The following SLC19A1 variants were observed in gnomAD, a reference collection of about 807,000 sequenced individuals.
The protein encoded by SLC19A1 is reduced folate transporter.
SLC19A1 carries 37 observed loss-of-function variants against 35.3 expected under a neutral mutation model. The ratio of observed to expected loss-of-function variants is 1.05; its 90% CI spans 0.81 to 1.38. The LOEUF is 1.38. SLC19A1 is among the 40% of genes most tolerant of loss of function. The pLI, the probability that SLC19A1 is intolerant of heterozygous loss-of-function variation, is 0.00. For synonymous variants in SLC19A1, 460 were observed against 398.5 expected (o/e 1.15, Z -1.84); for missense variants, 831 against 826.9 (o/e 1.00, Z -0.06).
intron 5 of SLC19A1, among the ~76,000 whole-genome samples, chr21:45,523,874 G>A (rs932420148): frequency 5.3e-5 from 8 of 152,160 alleles, no homozygotes; most frequent in South Asian, 4.1e-4. Flanking sequence ...ACCTCCTCCC[G>A]GGTGCTGGAG....
At chr21:45,551,605 A>G (rs2078467071) in intron 1 of SLC19A1, among the ~76,000 whole-genome samples, 1 of 152,176 alleles carries the variant, frequency 6.6e-6, no homozygotes, top group African/African-American at 2.4e-5. Context: ...TGTTGGTTTA[A>G]TATGTCGTTT....
In SLC19A1 at chr21:45,504,226, G is replaced by A; in HGVS notation, c.498-5614C>T. 3 of 928,752 alleles carry A rather than the reference G, an allele frequency of 3.2e-6. No homozygotes were observed. The Admixed American group carries it at 6.3e-5, about 19-fold the overall frequency. The allele number at this position is 928,752 out of a possible 1,614,324, so 57.5% of individuals were successfully genotyped here. A position where few individuals can be genotyped will look rare whatever the true frequency, so the allele number is the denominator to read the frequency against. The stretch of plus-strand genomic sequence containing the variant: ...GTCCCTCAGGATGTTCCTGTCCCCG[G>A]CTCAGTTTTTGGGGGACTCGGCTGA... On this transcript the variant is annotated intron_variant, in intron 3 of 4. Transcript: ENST00000417954.
chr21:45,518,044 C>T (rs2146220545), intron 5 of SLC19A1, among the ~76,000 whole-genome samples: 1 of 152,278 alleles, frequency 6.6e-6, no homozygotes, highest in Non-Finnish European at 1.5e-5. Context: ...TAGACACCAA[C>T]ACTAAGACAA....
At chr21:45,512,380 C>T (rs992432251), downstream of SLC19A1, 1 of 1,612,540 alleles carries the variant, frequency 6.2e-7, no homozygotes, top group Admixed American at 1.7e-5. Context: ...AGAACAGCTT[C>T]ATGACTGCCT....
rs1555877869 is a variant in SLC19A1 at position 45,514,264 on chromosome 21, C to CCT, written c.*1393_*1394insAG. On this transcript the variant is annotated 3_prime_UTR_variant, in exon 6 of 6. Coordinates refer to ENST00000311124, the MANE Select transcript of SLC19A1 (RefSeq NM_194255.4). ...AGGAAATGGCTGGTGCAGACCCCCC[C>CCT]CCAAGCAGGGTCCCCAGGGTGGCCA... 6.6e-6 allele frequency: 1 copy of CCT among 152,060 alleles called. No individual in the cohort carries two copies. The highest frequency in any genetic ancestry group is 2.1e-4 in the South Asian group (1 of 4,820). 9.4% of individuals were successfully genotyped at this position (152,060 alleles called of 1,614,324 possible). A position where few individuals can be genotyped will look rare whatever the true frequency, so the allele number is the denominator to read the frequency against.
At chr21:45,507,536 G>A (rs2037290171) in intron 3 of SLC19A1, 17 of 1,610,214 alleles carry the variant, frequency 1.1e-5, no homozygotes, top group South Asian at 2.2e-5. Flanking sequence ...CGCAGGTCCT[G>A]GGTGACCCTG....
intron 3 of SLC19A1, chr21:45,505,694 G>A (rs992237207): frequency 5.5e-6 from 4 of 722,218 alleles, no homozygotes; most frequent in Admixed American, 4.2e-5. Flanking sequence ...TCCCCATGGT[G>A]CTCATGGGGG....
chr21:45,521,040 G>T (rs1461763805), intron 5 of SLC19A1, among the ~76,000 whole-genome samples: 9 of 148,592 alleles, frequency 6.1e-5, no homozygotes, highest in Non-Finnish European at 1.5e-5. Context: ...AAAAACAAAC[G>T]AAAAAAAGAT....
chr21:45,562,189 T>C (rs2249777), intron 1 of SLC19A1, among the ~76,000 whole-genome samples: 63,543 of 150,580 alleles, frequency 0.42, 13,705 homozygotes, highest in African/African-American at 0.52. Flanking sequence ...AGGGTTTCCT[T>C]TTAATCTTAA....
downstream of SLC19A1, chr21:45,510,179 C>T (rs1319860336): frequency 5.6e-6 from 9 of 1,597,264 alleles, no homozygotes; most frequent in Middle Eastern, 1.7e-4. Context: ...ACCTTCCGCG[C>T]CTTCCTGTCC....
intron 5 of SLC19A1, among the ~76,000 whole-genome samples, chr21:45,523,961 C>T (rs1445445555): frequency 2.0e-5 from 3 of 152,210 alleles, no homozygotes; most frequent in East Asian, 1.9e-4. Flanking sequence ...TCTGGGCCCC[C>T]TTTCTGCAGA....
intron 4 of SLC19A1, among the ~76,000 whole-genome samples, chr21:45,529,340 T>C (rs2060302159): frequency 6.6e-6 from 1 of 151,942 alleles, no homozygotes; most frequent in African/African-American, 2.4e-5. Flanking sequence ...TGCTCTCAGC[T>C]CAAACAGGCT....
At chr21:45,529,955 G>A (rs1010894109) in intron 4 of SLC19A1, among the ~76,000 whole-genome samples, 11 of 145,034 alleles carry the variant, frequency 7.6e-5, no homozygotes, top group Admixed American at 1.4e-4. Flanking sequence ...TGTGTCCATG[G>A]GTAAGCATGT....
chr21:45,541,117 C>G (rs573363538), intron 1 of SLC19A1, among the ~76,000 whole-genome samples: 4 of 152,232 alleles, frequency 2.6e-5, no homozygotes, highest in Non-Finnish European at 5.9e-5. Flanking sequence ...CTCCGGCTAT[C>G]ACTGCTGCAG....
At chr21:45,559,773 T>C (rs2078597617) in intron 1 of SLC19A1, among the ~76,000 whole-genome samples, 2 of 152,214 alleles carry the variant, frequency 1.3e-5, no homozygotes, top group Admixed American at 6.5e-5. Flanking sequence ...ATGCGCATCA[T>C]TCCCTCACAC....
At position 45,513,255 on chromosome 21, in the gene SLC19A1, G is replaced by A. The variant is rs1250103186; in HGVS notation, c.*2403C>T. On this transcript the variant is annotated 3_prime_UTR_variant, in exon 6 of 6. Transcript: ENST00000311124. ...CAGCACTTGTCCAGCTGAGCGCCAG[G>A]ATGGAACACGGCCACATCAAAGAGG... 6.6e-6 allele frequency: 1 copy of A among 152,354 alleles called. No individual in the cohort carries two copies. Among genetic ancestry groups the A allele is most frequent in the East Asian group, 1.9e-4 (1 of 5,198 alleles). 9.4% of individuals were successfully genotyped at this position (152,354 alleles called of 1,614,324 possible). A position where few individuals can be genotyped will look rare whatever the true frequency, so the allele number is the denominator to read the frequency against.
intron 3 of SLC19A1, chr21:45,505,166 C>A: frequency 6.2e-7 from 1 of 1,607,706 alleles, no homozygotes; most frequent in Non-Finnish European, 8.5e-7. Context: ...GGGGCCAGCC[C>A]GGCCCACCTG....
upstream of SLC19A1, among the ~76,000 whole-genome samples, chr21:45,549,040 G>A (rs1260307095): frequency 6.6e-6 from 1 of 152,202 alleles, no homozygotes; most frequent in Admixed American, 6.5e-5. Flanking sequence ...CTAGGCATCT[G>A]TTGAAGAGAT....
chr21:45,507,540 G>C (rs2037290656), intron 3 of SLC19A1: 1 of 1,610,936 alleles, frequency 6.2e-7, no homozygotes, highest in African/African-American at 1.3e-5. Flanking sequence ...GGTCCTGGGT[G>C]ACCCTGCTGC....
Sources: gnomAD v4.1 joint callset for allele counts (sites outside exome capture counted in the v4.1 genomes callset) on GRCh38, gnomAD v4.1.1 for gene constraint, MANE v1.5 for transcripts, NCBI Gene and HGNC (gene_info 2026-07-23, HGNC 2026-07-21) for gene names.